DNAH8: variants seen among roughly 807,000 people sequenced by gnomAD.
DNAH8 encodes axonemal beta dynein heavy chain 8.
DNAH8 carries 382 observed loss-of-function variants against 562.1 expected under a neutral mutation model. That is an observed-to-expected ratio of 0.68 (90% confidence interval 0.63 to 0.74). DNAH8 has a LOEUF of 0.74. DNAH8 is among the 30% of genes least tolerant of loss of function. DNAH8 has a pLI of 0.00. For missense variants in DNAH8, 5,203 were observed against 5,620.4 expected (o/e 0.93, Z 2.37); for synonymous variants, 1,881 against 1,919.4 (o/e 0.98, Z 0.52).
intron 60 of DNAH8, among the ~76,000 whole-genome samples, chr6:38,896,438 G>C (rs1214265045): frequency 6.6e-6 from 1 of 151,876 alleles, no homozygotes; most frequent in Non-Finnish European, 1.5e-5. Context: ...AGTCGGGTGT[G>C]GTGGCATGCT....
chr6:39,029,633 C>T (rs1299626283), intron 92 of DNAH8, among the ~76,000 whole-genome samples: 2 of 152,180 alleles, frequency 1.3e-5, no homozygotes, highest in African/African-American at 2.4e-5. Context: ...CTGACTCTCC[C>T]GCTAGCTGGG....
intron 57 of DNAH8, among the ~76,000 whole-genome samples, chr6:38,887,734 A>AC (rs1324476005): frequency 2.0e-5 from 3 of 149,918 alleles, no homozygotes; most frequent in Non-Finnish European, 3.0e-5. Context: ...CCCCCAATCC[A>AC]CCCCAAAACC....
chr6:38,930,346 G>A (rs563249430), intron 75 of DNAH8, among the ~76,000 whole-genome samples: 39 of 152,018 alleles, frequency 2.6e-4, no homozygotes, highest in African/African-American at 9.2e-4. Flanking sequence ...TTTCTGATTG[G>A]GTGTTTATTA....
chr6:38,779,755 T>C (rs947332748), intron 14 of DNAH8, among the ~76,000 whole-genome samples: 1 of 152,232 alleles, frequency 6.6e-6, no homozygotes, highest in Non-Finnish European at 1.5e-5. Context: ...TTTGTTACTC[T>C]TGGCAGATGT....
chr6:38,835,131 T>C (rs750946748), intron 32 of DNAH8, among the ~76,000 whole-genome samples: 4 of 152,174 alleles, frequency 2.6e-5, no homozygotes, highest in Non-Finnish European at 4.4e-5. Context: ...TGAGCGCGTC[T>C]AGAGAAAGTT....
intron 79 of DNAH8, among the ~76,000 whole-genome samples, chr6:38,944,689 C>T (rs1371362527): frequency 6.6e-6 from 1 of 152,192 alleles, no homozygotes. Flanking sequence ...AATGCTGTAA[C>T]TCATTCTCCA....
chr6:38,987,061 C>T (rs1384547258), intron 87 of DNAH8, among the ~76,000 whole-genome samples: 1 of 152,198 alleles, frequency 6.6e-6, no homozygotes, highest in Non-Finnish European at 1.5e-5. Context: ...TGCAGGTGAA[C>T]AAGGCACCTG....
At chr6:38,889,335 A>G (rs1409483018) in intron 57 of DNAH8, among the ~76,000 whole-genome samples, 1 of 152,166 alleles carries the variant, frequency 6.6e-6, no homozygotes, top group Non-Finnish European at 1.5e-5. Context: ...ACCAGTTCAG[A>G]AGTTCAAAAA....
In DNAH8 at chr6:38,781,326, G is replaced by A. The variant is rs1202359936; in HGVS notation, c.2212G>A (p.Val738Met). Reference sequence around the variant, plus strand: ...CCCTATAGCAGGAAAAATACTCTGGGTGAGGCAGCTCTATCGCCGGATAAG... The same window carrying A: ...CCCTATAGCAGGAAAAATACTCTGGATGAGGCAGCTCTATCGCCGGATAAG... ...MPPIAGKILW[V>M]RQLYRRISEP... is the part of the protein sequence containing the mutation. The change falls in exon 16 of 93, where the codon GTG becomes ATG. Residue 738 changes from valine (V) to methionine (M), a missense_variant. Physicochemically the swap from Val to Met is conservative, Grantham distance 21. This residue lies in a region of DNAH8 where 2,176 missense variants were observed against 2,365.1 expected (regional missense o/e 0.92). Transcript: ENST00000327475. 1.2e-6 allele frequency: 2 copies of A among 1,613,686 alleles called. No individual in the cohort carries two copies. The highest frequency in any genetic ancestry group is 1.3e-5 in the African/African-American group (1 of 74,872).
At position 39,030,157 on chromosome 6, in the gene DNAH8, G is replaced by A. The variant is rs749968962; in HGVS notation, c.13889G>A (p.Arg4630Gln). 24 of 1,613,888 alleles carry A rather than the reference G, an allele frequency of 1.5e-5. No homozygotes were observed. The highest frequency in any genetic ancestry group is 4.4e-5 in the South Asian group (4 of 91,066). The change falls in exon 93 of 93, where the codon CGG (arginine) becomes CAG (glutamine). Residue 4630 changes from arginine to glutamine, a missense_variant. Arg to Gln is a conservative substitution (Grantham distance 43, BLOSUM62 1). Transcript: ENST00000327475. ...ATGGATGGAGCAGCCTGGGACAGAC[G>A]GAATGGGAAGCTCATGGAATCCACC... ...LYMDGAAWDR[R>Q]NGKLMESTPK...
chr6:38,823,212 A>C (rs910875231), intron 27 of DNAH8, among the ~76,000 whole-genome samples, 178 bp downstream of exon 27: 15 of 152,234 alleles, frequency 9.9e-5, no homozygotes, highest in African/African-American at 3.6e-4. Flanking sequence ...ACACTGAGGC[A>C]ATTGATATTA....
chr6:38,770,288 A>AT, intron 11 of DNAH8, 125 bp from the exon 12 acceptor site: 1 of 422,010 alleles, frequency 2.4e-6, no homozygotes, highest in Admixed American at 6.2e-5. Flanking sequence ...TATGGTATAA[A>AT]TAAAAAAAAA....
intron 45 of DNAH8, 63 bp downstream of exon 45, chr6:38,864,123 A>C: frequency 6.7e-7 from 1 of 1,493,672 alleles, no homozygotes; most frequent in Non-Finnish European, 9.1e-7. Context: ...AAATAAAACA[A>C]AGCATGTGTT....
chr6:38,854,505 T>C (rs9369086), intron 41 of DNAH8, among the ~76,000 whole-genome samples: 1 of 151,796 alleles, frequency 6.6e-6, no homozygotes, highest in South Asian at 2.1e-4. Flanking sequence ...GACAGAGATA[T>C]AATCAACCTT....
At chr6:38,991,861 T>C (rs543479471) in intron 88 of DNAH8, among the ~76,000 whole-genome samples, 1 of 152,332 alleles carries the variant, frequency 6.6e-6, no homozygotes, top group East Asian at 1.9e-4. Flanking sequence ...ATGCCTTCCC[T>C]GGCTGTGCTA....
At chr6:38,775,647 C>T in intron 12 of DNAH8, 107 bp from the exon 13 acceptor site, 2 of 678,858 alleles carry the variant, frequency 2.9e-6, no homozygotes, top group African/African-American at 1.8e-5. Context: ...TATTCTAGGC[C>T]CTGTTTAATG....
intron 70 of DNAH8, 95 bp downstream of exon 70, chr6:38,918,235 A>T: frequency 1.2e-6 from 1 of 836,734 alleles, no homozygotes; most frequent in Non-Finnish European, 1.8e-6. Flanking sequence ...GTTTAGACCA[A>T]TAAAGGTAGA....
chr6:38,806,268 C>T (rs899487195), intron 23 of DNAH8, among the ~76,000 whole-genome samples: 5 of 152,106 alleles, frequency 3.3e-5, no homozygotes, highest in African/African-American at 1.2e-4. Context: ...TTCTATTTTA[C>T]CCACTTTTAC....
In DNAH8 at chr6:38,857,664, T is replaced by A; in HGVS notation, c.5880T>A (p.Asp1960Glu). The A allele has an allele frequency of 2.5e-6, 4 of 1,613,856 alleles. No individual in the cohort carries two copies. The highest frequency in any genetic ancestry group is 3.4e-6 in the Non-Finnish European group (4 of 1,179,802). ...CTCTCATTAGTCAGACAACACATGA[T>A]CTAAGCAAGTTTGATAGAGTGAAGT... ...LNTLISQTTH[D>E]LSKFDRVKFE... Residue 1960 changes from aspartate to glutamate, a missense_variant, in exon 42 of 93, where the codon GAT becomes GAA. Coordinates refer to ENST00000327475, the MANE Select transcript of DNAH8 (RefSeq NM_001206927.2).
Sources: allele counts gnomAD v4.1 joint callset (sites outside exome capture counted in the v4.1 genomes callset), GRCh38; gene constraint gnomAD v4.1.1; regional missense constraint gnomAD v4.1.1; transcripts MANE v1.5; gene names NCBI Gene and HGNC (gene_info 2026-07-23, HGNC 2026-07-21).